SPEN: variants seen among roughly 807,000 people sequenced by gnomAD.
SPEN encodes the protein msx2-interacting protein.
In SPEN, 18 loss-of-function variants were observed where a neutral mutation model predicts 269.9. The ratio of observed to expected loss-of-function variants is 0.07; its 90% confidence interval spans 0.05 to 0.10. The LOEUF is 0.10. SPEN is among the 10% of genes least tolerant of loss of function. The pLI, the probability that SPEN is intolerant of heterozygous loss-of-function variation, is 1.00. For synonymous variants in SPEN, 1,726 were observed against 1,765.7 expected (o/e 0.98, Z 0.56); for missense variants, 3,822 against 4,631.2 (o/e 0.83, Z 5.07).
chr1:15,928,227 AC>A lies in SPEN; in HGVS notation c.1988del (p.Thr663IlefsTer146). 1 of 1,614,202 alleles carries A rather than the reference AC, an allele frequency of 6.2e-7. No homozygotes were observed. ...RGREFYSEWETYQGDYYESRY... is the reference protein window; with the variant it reads ...RGREFYSEWEXYQGDYYESRY... Reference sequence around the variant, plus strand: ...GAGAGAGTTTTATTCAGAATGGGAAACTTACCAAGGAGACTACTATGAATCA... The same window carrying A: ...GAGAGAGTTTTATTCAGAATGGGAAATTACCAAGGAGACTACTATGAATCA... On this transcript the variant is annotated frameshift_variant, in exon 11 of 15. Transcript: ENST00000375759. LOFTEE classifies it high-confidence loss of function. This position sits in a 1 kb window ranked among gnomAD's most constrained non-coding sequence, Gnocchi z 5.7.
intron 3 of SPEN, among the ~76,000 whole-genome samples, chr1:15,888,023 G>A (rs976464827): frequency 2.6e-5 from 4 of 151,674 alleles, no homozygotes; most frequent in South Asian, 4.2e-4. Flanking sequence ...GGGACACTCC[G>A]TCTCAATAAA....
intron 5 of SPEN, among the ~76,000 whole-genome samples, chr1:15,915,701 ATT>A (rs1444606953): frequency 6.6e-6 from 1 of 151,836 alleles, no homozygotes; most frequent in African/African-American, 2.4e-5. Context: ...TACTTGGCTA[ATT>A]TTTTGTATTT....
chr1:15,916,062 C>T, intron 5 of SPEN, 66 bp from the exon 6 acceptor site: 5 of 1,492,560 alleles, frequency 3.3e-6, no homozygotes, highest in African/African-American at 1.4e-5. Context: ...TAGATTTTTC[C>T]ATGATATATA....
chr1:15,884,531 A>G (rs964935451), intron 3 of SPEN, among the ~76,000 whole-genome samples: 2 of 152,116 alleles, frequency 1.3e-5, no homozygotes, highest in Non-Finnish European at 2.9e-5. Context: ...TGTACCTTCC[A>G]TTTCTCTCTC....
Position 15,848,801 on chromosome 1 carries a change from G to C in SPEN, c.83+651G>C, listed in dbSNP as rs898518351. 6.6e-5 allele frequency among the ~76,000 whole-genome samples: 10 copies of C among 152,046 alleles called. No homozygotes were observed. Among genetic ancestry groups the C allele is most frequent in the Non-Finnish European group, 1.0e-4 (7 of 67,982 alleles). ...GTGGAGAGTGGTGTGAAATAAGTTG[G>C]TGCGCCCGTTTGGGCTTCCTCGTCC... On this transcript the variant is annotated intron_variant, in intron 1 of 14. Coordinates refer to ENST00000375759, the MANE Select transcript of SPEN (RefSeq NM_015001.3). This position sits in a 1 kb window ranked among gnomAD's most constrained non-coding sequence, Gnocchi z 5.1.
At chr1:15,892,749 T>C (rs2070801646) in intron 3 of SPEN, among the ~76,000 whole-genome samples, 2 of 152,122 alleles carry the variant, frequency 1.3e-5, no homozygotes, top group Non-Finnish European at 2.9e-5. Flanking sequence ...CCTAAATAAA[T>C]TAATTTCCCA....
At chr1:15,873,886 G>T in intron 2 of SPEN, 1 of 1,106,372 alleles carries the variant, frequency 9.0e-7, no homozygotes, top group Non-Finnish European at 1.1e-6. Context: ...CCCAGGGAAA[G>T]AGGATTACTA....
rs552953981 is a variant in SPEN at position 15,932,350 on chromosome 1, C to A, written c.6110C>A (p.Ala2037Glu). The A allele has an allele frequency of 1.7e-5, 27 of 1,614,020 alleles. 2 individuals carry two copies. In the South Asian group the frequency reaches 2.6e-4, roughly 16 times the overall value. The change falls in exon 11 of 15, where the codon GCA becomes GAA. Residue 2037 changes from alanine to glutamate, a missense_variant. Around this residue, in one of 16 missense-constraint regions of SPEN, gnomAD observed 727 missense variants for 737.9 expected, o/e 0.99. Transcript: ENST00000375759. This position sits in a 1 kb window ranked among gnomAD's most constrained non-coding sequence, Gnocchi z 4.2. Reference protein sequence around the residue: ...SMEPKAAEEEAGSEQKRDRKD... With the variant: ...SMEPKAAEEEEGSEQKRDRKD... ...GAACCCAAGGCTGCTGAGGAGGAGG[C>A]AGGGAGTGAACAGAAACGTGACAGA...
intron 10 of SPEN, among the ~76,000 whole-genome samples, chr1:15,923,079 T>C (rs537130554): frequency 6.6e-6 from 1 of 152,102 alleles, no homozygotes. Context: ...ACTTAAAAAA[T>C]AAATAAATAA....
intron 1 of SPEN, among the ~76,000 whole-genome samples, chr1:15,868,099 G>T (rs1269396207): frequency 6.6e-6 from 1 of 151,628 alleles, no homozygotes; most frequent in African/African-American, 2.4e-5. Context: ...CTCCCAAAGC[G>T]TTGGGATTCA....
At chr1:15,915,431 G>A (rs957303929) in intron 5 of SPEN, among the ~76,000 whole-genome samples, 2 of 152,190 alleles carry the variant, frequency 1.3e-5, no homozygotes, top group Non-Finnish European at 2.9e-5. Flanking sequence ...TGAGGCTCCA[G>A]TGAGCCATGA....
chr1:15,888,900 G>A (rs1245241886), intron 3 of SPEN, among the ~76,000 whole-genome samples: 3 of 152,152 alleles, frequency 2.0e-5, no homozygotes, highest in Admixed American at 6.6e-5. Context: ...AAAGTGCTGG[G>A]ATTACAGGCA....
chr1:15,887,061 G>C (rs1385724231), intron 3 of SPEN, among the ~76,000 whole-genome samples: 1 of 150,664 alleles, frequency 6.6e-6, no homozygotes, highest in Non-Finnish European at 1.5e-5. Context: ...TTGCAGCCTT[G>C]ACTTCCTGGG....
At chr1:15,862,575 TCTC>T (rs1331622634) in intron 1 of SPEN, among the ~76,000 whole-genome samples, 2 of 152,214 alleles carry the variant, frequency 1.3e-5, no homozygotes, top group African/African-American at 2.4e-5. Flanking sequence ...TTGGAATTTT[TCTC>T]CTCATAATTT....
intron 1 of SPEN, among the ~76,000 whole-genome samples, chr1:15,851,836 A>T (rs2070339646): frequency 6.6e-6 from 1 of 152,190 alleles, no homozygotes; most frequent in Admixed American, 6.5e-5. Flanking sequence ...ACAAAAAATT[A>T]GCCAGGTGTG....
chr1:15,928,711 G>A lies in SPEN; in HGVS notation c.2471G>A (p.Arg824His), dbSNP rs780359509. Residue 824 changes from arginine to histidine, a missense_variant, in exon 11 of 15, where the codon CGC (arginine) becomes CAC (histidine). Physicochemically the swap from Arg to His is conservative, Grantham distance 29 (BLOSUM62 0). Around this residue, in one of 16 missense-constraint regions of SPEN, gnomAD observed 572 missense variants for 582.6 expected, o/e 0.98. Coordinates refer to ENST00000375759, the MANE Select transcript of SPEN (RefSeq NM_015001.3). The surrounding 1 kb of genome is among the most constrained non-coding windows in gnomAD (Gnocchi z 5.7). ...VEKDKTDKQKRKGKVHSPSSQ... is the reference protein window; with the variant it reads ...VEKDKTDKQKHKGKVHSPSSQ... ...AAGGACAAAACTGACAAGCAGAAAC[G>A]CAAAGGAAAGGTTCACTCCCCTAGT... The A allele has an allele frequency of 9.3e-6, 15 of 1,613,980 alleles. No homozygotes were observed. The highest frequency in any genetic ancestry group is 3.3e-5 in the South Asian group (3 of 91,076).
chr1:15,916,382 T>C (rs914670238), intron 6 of SPEN, 103 bp downstream of exon 6: 1 of 1,228,514 alleles, frequency 8.1e-7, no homozygotes, highest in Admixed American at 2.8e-5. Flanking sequence ...GTGTAATGAA[T>C]GAACATTGTT....
chr1:15,937,973 A>G lies in SPEN; in HGVS notation c.10671A>G (p.Ala3557=). Reference sequence around the variant, plus strand: ...TCGCCCAGAGGATGCGGCTGGAGGCAACGCAGCTGGAAGGGGTTGCCCGAA... The same window carrying G: ...TCGCCCAGAGGATGCGGCTGGAGGCGACGCAGCTGGAAGGGGTTGCCCGAA... ...LRIAQRMRLE[A]TQLEGVARRM... Residue 3557 remains alanine, a synonymous_variant, in exon 13 of 15, where the codon GCA becomes GCG. Coordinates refer to ENST00000375759, the MANE Select transcript of SPEN (RefSeq NM_015001.3). This position sits in a 1 kb window ranked among gnomAD's most constrained non-coding sequence, Gnocchi z 5.7. 6.2e-7 allele frequency: 1 copy of G among 1,612,310 alleles called. No individual in the cohort carries two copies. Among genetic ancestry groups the G allele is most frequent in the South Asian group, 1.1e-5 (1 of 91,036 alleles).
At chr1:15,894,130 GCTTTCTTGGCCTGTGC>G (rs1273828671) in intron 3 of SPEN, among the ~76,000 whole-genome samples, 1 of 152,176 alleles carries the variant, frequency 6.6e-6, no homozygotes, top group African/African-American at 2.4e-5. Context: ...TGATCTGTGT[GCTTTCTTGGCCTGTGC>G]CTTCTGAAAC....
Sources: gnomAD v4.1 joint callset for allele counts (sites outside exome capture counted in the v4.1 genomes callset) on GRCh38, gnomAD v4.1.1 for gene constraint, gnomAD v4.1.1 regional missense constraint, Gnocchi (gnomAD v3.1) non-coding constraint, MANE v1.5 for transcripts, NCBI Gene and HGNC (gene_info 2026-07-23, HGNC 2026-07-21) for gene names.